Variants in NPHP4 observed in about 807,000 individuals in gnomAD.
The protein encoded by NPHP4 is nephrocystin 4, also known as nephrocystin-4.
A neutral mutation model predicts 155.8 loss-of-function variants in NPHP4; 151 were observed. The observed-to-expected ratio is 0.97, with a 90% confidence interval of 0.85 to 1.11. The LOEUF (loss-of-function observed/expected upper bound fraction) is 1.11. Among genes scored for constraint, NPHP4 ranks in the 50% least tolerant of loss-of-function variants. The pLI is 0.00. For missense variants in NPHP4, 1,956 were observed against 1,925.7 expected, an observed-to-expected ratio of 1.02 and a Z score of -0.29; for synonymous variants, 845 against 816.8, an observed-to-expected ratio of 1.03 and a Z score of -0.59.
intron 11 of NPHP4, among the ~76,000 whole-genome samples, chr1:5,920,498 C>T (rs1187391430): frequency 7.2e-5 from 11 of 152,112 alleles, no homozygotes; most frequent in Admixed American, 7.2e-4. Context: ...TGGTCGCTTC[C>T]CTCAACGCTG....
chr1:5,915,194 GA>G (rs1339927584), intron 11 of NPHP4, among the ~76,000 whole-genome samples: 1 of 146,548 alleles, frequency 6.8e-6, no homozygotes, highest in Admixed American at 6.7e-5. Context: ...GGAAGGCAGG[GA>G]CGGGCCAGGC....
chr1:5,944,674 A>G lies in NPHP4; in HGVS notation c.1119+2430T>C, dbSNP rs1298966595. On this transcript the variant is annotated intron_variant, in intron 9 of 29. Coordinates refer to ENST00000378156, the MANE Select transcript of NPHP4 (RefSeq NM_015102.5). This position sits in a 1 kb window ranked among gnomAD's most constrained non-coding sequence, Gnocchi z 4.3. ...AGTTACAATCGACCAGCACATCGGAAAGTACCAATGACTGGCCGGGCGCGG... is the reference window on the plus strand; with the variant it reads ...AGTTACAATCGACCAGCACATCGGAGAGTACCAATGACTGGCCGGGCGCGG... 6.6e-6 allele frequency among the ~76,000 whole-genome samples: 1 copy of G among 152,220 alleles called. No homozygotes were observed. The highest frequency in any genetic ancestry group is 1.5e-5 in the Non-Finnish European group (1 of 68,042).
At chr1:5,891,296 A>C (rs572862588) in intron 16 of NPHP4, among the ~76,000 whole-genome samples, 2 of 152,388 alleles carry the variant, frequency 1.3e-5, no homozygotes, top group African/African-American at 4.8e-5. Flanking sequence ...GTAACAGCCT[A>C]AGATGGATGG....
chr1:5,953,628 C>G (rs1469956586), intron 6 of NPHP4, among the ~76,000 whole-genome samples: 1 of 152,212 alleles, frequency 6.6e-6, no homozygotes. Flanking sequence ...ACAGCCTGAA[C>G]GGCACCACGA....
intron 5 of NPHP4, among the ~76,000 whole-genome samples, chr1:5,964,941 A>ATATATATATTTTT: frequency 2.0e-4 from 12 of 59,416 alleles, no homozygotes; most frequent in African/African-American, 4.2e-4. Flanking sequence ...ATATATATAT[A>ATATATATATTTTT]TTTTTTTTTT....
At chr1:5,893,381 C>T (rs1644238876) in intron 16 of NPHP4, among the ~76,000 whole-genome samples, 2 of 152,202 alleles carry the variant, frequency 1.3e-5, no homozygotes, top group African/African-American at 4.8e-5. Context: ...GTGTGTGAGT[C>T]ATCTCCAATG....
intron 19 of NPHP4, chr1:5,879,776 C>CAT (rs1557634105): frequency 1.3e-5 from 3 of 238,424 alleles, no homozygotes; most frequent in African/African-American, 8.0e-5. Flanking sequence ...ACGAATGGTG[C>CAT]GCACACACAC....
intron 5 of NPHP4, among the ~76,000 whole-genome samples, chr1:5,965,940 G>A (rs1415000921): frequency 6.6e-6 from 1 of 152,104 alleles, no homozygotes; most frequent in Admixed American, 6.6e-5. Context: ...GGACTCAGCT[G>A]CGCACGTGCA....
At chr1:5,937,951 G>T (rs1646630469) in intron 9 of NPHP4, among the ~76,000 whole-genome samples, 2 of 152,248 alleles carry the variant, frequency 1.3e-5, no homozygotes, top group African/African-American at 4.8e-5. Flanking sequence ...CTCACGTGGT[G>T]TGAGAGCCAC....
chr1:5,963,324 G>A (rs968469313), intron 5 of NPHP4, among the ~76,000 whole-genome samples: 3 of 152,072 alleles, frequency 2.0e-5, no homozygotes, highest in African/African-American at 7.2e-5. Context: ...GAACCCGGGA[G>A]GCAGAGGTTG....
At chr1:5,966,915 C>T (rs1364769072) in intron 5 of NPHP4, among the ~76,000 whole-genome samples, 4 of 152,258 alleles carry the variant, frequency 2.6e-5, no homozygotes, top group South Asian at 2.1e-4. Context: ...TGCTCTAAGG[C>T]GGCCTCTCAG....
intron 10 of NPHP4, among the ~76,000 whole-genome samples, chr1:5,932,480 AT>A (rs1646326891): frequency 6.6e-6 from 1 of 152,146 alleles, no homozygotes; most frequent in African/African-American, 2.4e-5. Flanking sequence ...GACTCTAGCC[AT>A]CTGCCAGAGC....
At position 5,867,505 on chromosome 1, in the gene NPHP4, G is replaced by T; in HGVS notation, c.3472+235C>A. 1.7e-6 allele frequency: 1 copy of T among 586,234 alleles called. No homozygotes were observed. The highest frequency in any genetic ancestry group is 3.0e-6 in the Non-Finnish European group (1 of 330,826). 36.3% of individuals were successfully genotyped at this position (586,234 alleles called of 1,614,324 possible). A position where few individuals can be genotyped will look rare whatever the true frequency, so the allele number is the denominator to read the frequency against. On this transcript the variant is annotated intron_variant, in intron 24 of 29. Transcript: ENST00000378156. This position sits in a 1 kb window ranked among gnomAD's most constrained non-coding sequence, Gnocchi z 4.1. ...ACCTGGACCTGGGCCGCGGGAGCTG[G>T]GATTTTTTAGAAGGGCAGACTCAGC...
chr1:5,893,359 G>A (rs1279805200), intron 16 of NPHP4, among the ~76,000 whole-genome samples: 1 of 152,196 alleles, frequency 6.6e-6, no homozygotes, highest in Non-Finnish European at 1.5e-5. Flanking sequence ...AAAGCAAAAG[G>A]GGCAGGGTAA....
intron 2 of NPHP4, 27 bp from the exon 3 acceptor site, chr1:5,978,440 C>T (rs771636822): frequency 1.3e-6 from 2 of 1,589,082 alleles, no homozygotes; most frequent in South Asian, 1.1e-5. Context: ...AATTGACCCT[C>T]AAGAGTCTGA....
At position 5,873,273 on chromosome 1, in the gene NPHP4, T is replaced by G. The variant is rs1570122961; in HGVS notation, c.3294A>C (p.Ala1098=). The part of the protein sequence containing the change: ...MDAVSPWKSS[A]VPTKHAKVLF... ...TTACCTTGGCGTGTTTAGTGGGCAC[T>G]GCGCTGGACTTCCAAGGTGACACGG... The change falls in exon 23 of 30, where the codon GCA becomes GCC. Residue 1098 remains alanine (A), a synonymous_variant. Coordinates refer to ENST00000378156, the MANE Select transcript of NPHP4 (RefSeq NM_015102.5). The G allele has an allele frequency of 6.2e-7, 1 of 1,613,918 alleles. No homozygotes were observed. Among genetic ancestry groups the G allele is most frequent in the Non-Finnish European group, 8.5e-7 (1 of 1,179,814 alleles).
intron 3 of NPHP4, among the ~76,000 whole-genome samples, chr1:5,975,627 C>T (rs1003251407): frequency 6.6e-6 from 1 of 152,196 alleles, no homozygotes; most frequent in South Asian, 2.1e-4. Context: ...CTCCCACAGT[C>T]GGCTGCCCTT....
In NPHP4 at chr1:5,972,961, T is replaced by C. The variant is rs140718080; in HGVS notation, c.280-3702A>G. ...TGCAGTGGCGTGAATCTCAGCTCAC[T>C]GCAACCTCCACCCGCCGAGCTCAGG... On this transcript the variant is annotated intron_variant, in intron 3 of 29. Coordinates refer to ENST00000378156, the MANE Select transcript of NPHP4 (RefSeq NM_015102.5). 5.7e-3 allele frequency among the ~76,000 whole-genome samples: 875 copies of C among 152,220 alleles called. 2 individuals are homozygous for C. The highest frequency in any genetic ancestry group is 0.02 in the African/African-American group (822 of 41,546).
chr1:5,968,253 T>C (rs1244375768), intron 4 of NPHP4, among the ~76,000 whole-genome samples: 1 of 151,982 alleles, frequency 6.6e-6, no homozygotes, highest in Admixed American at 6.6e-5. Flanking sequence ...CCATCACTGG[T>C]GGTCAAAGCC....
Sources: gnomAD v4.1 joint callset for allele counts (sites outside exome capture counted in the v4.1 genomes callset) on GRCh38, gnomAD v4.1.1 for gene constraint, Gnocchi (gnomAD v3.1) non-coding constraint, MANE v1.5 for transcripts, NCBI Gene and HGNC (gene_info 2026-07-23, HGNC 2026-07-21) for gene names.